The following NHSL1 variants were observed in gnomAD, a reference collection of about 807,000 sequenced individuals.
NHSL1 encodes NHS like 1.
Under a neutral mutation model 95.0 loss-of-function variants are expected in NHSL1, and 48 were observed. That is an observed-to-expected ratio of 0.51 (90% CI 0.40 to 0.64). The LOEUF (loss-of-function observed/expected upper bound fraction) is 0.64. NHSL1 is among the 30% of genes least tolerant of loss of function. The probability of loss-of-function intolerance (pLI) is 0.00; values close to 1 mark genes in which losing one functional copy is unlikely to be tolerated. For synonymous variants in NHSL1, 783 were observed against 833.9 expected, an observed-to-expected ratio of 0.94 and a Z score of 1.05; for missense variants, 1,971 against 2,077.7, an observed-to-expected ratio of 0.95 and a Z score of 1.00.
intron 3 of NHSL1, among the ~76,000 whole-genome samples, chr6:138,465,710 C>CT (rs1217152430): frequency 6.8e-6 from 1 of 148,016 alleles, no homozygotes; most frequent in Non-Finnish European, 1.5e-5. Flanking sequence ...ATCTCCTACA[C>CT]TTTTTTTTCT....
intron 1 of NHSL1, among the ~76,000 whole-genome samples, chr6:138,601,619 C>G (rs931609751): frequency 6.6e-6 from 1 of 152,116 alleles, no homozygotes; most frequent in African/African-American, 2.4e-5. Context: ...CAAGACCATC[C>G]TGGCCAACAT....
intron 1 of NHSL1, among the ~76,000 whole-genome samples, chr6:138,685,859 C>T (rs368983082): frequency 1.4e-4 from 21 of 152,134 alleles, no homozygotes; most frequent in African/African-American, 4.3e-4. Context: ...ATTCAAAGCC[C>T]AGCTCCATTG....
rs1490919435 is a variant in NHSL1, at chr6:138,488,429, C to CA, written c.211+7789dup. Among the ~76,000 whole-genome samples, 39 of 152,284 alleles carry CA rather than the reference C, an allele frequency of 2.6e-4. 1 individual carries two copies. Among genetic ancestry groups the CA allele is most frequent in the Admixed American group, 5.2e-4 (8 of 15,294 alleles). On this transcript the variant is annotated intron_variant, in intron 2 of 7. Transcript: ENST00000343505. Reference sequence around the variant, plus strand: ...AAATCATTAGTGTATTTATTAATTTCAAATGTTTATCTTTCCTTCCCTTGC... The same window carrying CA: ...AAATCATTAGTGTATTTATTAATTTCAAAATGTTTATCTTTCCTTCCCTTGC...
intron 3 of NHSL1, among the ~76,000 whole-genome samples, chr6:138,464,883 T>C (rs1778257532): frequency 6.6e-6 from 1 of 151,632 alleles, no homozygotes; most frequent in Admixed American, 6.6e-5. Context: ...TCGCTAATTT[T>C]TGTATTTTTA....
chr6:138,580,031 A>G (rs1391323676), intron 1 of NHSL1, among the ~76,000 whole-genome samples: 1 of 152,260 alleles, frequency 6.6e-6, no homozygotes, highest in Non-Finnish European at 1.5e-5. Context: ...ACAGAATTGA[A>G]TATAAAGTAA....
At chr6:138,539,159 G>C (rs1339523896) in intron 1 of NHSL1, among the ~76,000 whole-genome samples, 2 of 152,180 alleles carry the variant, frequency 1.3e-5, no homozygotes, top group Admixed American at 6.5e-5. Context: ...TGTCAAATTA[G>C]GATCTCTTAA....
chr6:138,490,759 A>G (rs2128279332), intron 2 of NHSL1, among the ~76,000 whole-genome samples: 1 of 152,164 alleles, frequency 6.6e-6, no homozygotes, highest in Middle Eastern at 3.4e-3. Context: ...CAGCCTCCTG[A>G]GAAGGCTGGG....
chr6:138,649,476 A>G (rs529328932), intron 1 of NHSL1, among the ~76,000 whole-genome samples: 1 of 150,876 alleles, frequency 6.6e-6, no homozygotes, highest in African/African-American at 2.4e-5. Flanking sequence ...TTCCACCATC[A>G]ATACATTTAT....
At chr6:138,524,474 T>C (rs753265351) in intron 1 of NHSL1, among the ~76,000 whole-genome samples, 1 of 152,210 alleles carries the variant, frequency 6.6e-6, no homozygotes, top group Non-Finnish European at 1.5e-5. Flanking sequence ...CTTTATATGG[T>C]TGGAATCACA....
rs371542355 is a variant in NHSL1, at chr6:138,431,914, C to A, written c.2431G>T (p.Gly811Trp). 1 of 1,551,754 alleles carries A rather than the reference C, an allele frequency of 6.4e-7. No homozygotes were observed. Among genetic ancestry groups the A allele is most frequent in the Non-Finnish European group, 8.7e-7 (1 of 1,147,012 alleles). ...CCTTCTTGGACATGGCGGACTGGCCCGTTCCCAGTGGGCACCCCACTGCTG... is the reference window on the plus strand; with the variant it reads ...CCTTCTTGGACATGGCGGACTGGCCAGTTCCCAGTGGGCACCCCACTGCTG... ...STSSGVPTGN[G>W]PVRHVQEGSR... The change falls in exon 6 of 8, where the codon GGG (glycine) becomes TGG (tryptophan). Residue 811 changes from glycine (G) to tryptophan (W), a missense_variant. Gly to Trp is a radical substitution (Grantham distance 184, BLOSUM62 -2). This residue lies in a region of NHSL1 where 1,602 missense variants were observed against 1,654.5 expected (regional missense o/e 0.97). Coordinates refer to ENST00000343505, the MANE Select transcript of NHSL1 (RefSeq NM_001144060.2). The surrounding 1 kb of genome is among the most constrained non-coding windows in gnomAD (Gnocchi z 4.0).
chr6:138,424,327 G>A lies in NHSL1; in HGVS notation c.4575C>T (p.Ile1525=). 6.5e-7 allele frequency: 1 copy of A among 1,534,152 alleles called. No individual in the cohort carries two copies. The highest frequency in any genetic ancestry group is 8.8e-7 in the Non-Finnish European group (1 of 1,136,780). The part of the protein sequence containing the change: ...NRIQSSPMTV[I]SEGEGEAVEP... ...CCACGGCTTCCCCTTCTCCCTCCGAGATGACGGTCATGGGGCTGCTCTGGA... is the reference window on the plus strand; with the variant it reads ...CCACGGCTTCCCCTTCTCCCTCCGAAATGACGGTCATGGGGCTGCTCTGGA... Residue 1525 remains isoleucine, a synonymous_variant, in exon 8 of 8, where the codon ATC becomes ATT. Coordinates refer to ENST00000343505, the MANE Select transcript of NHSL1 (RefSeq NM_001144060.2). This position sits in a 1 kb window ranked among gnomAD's most constrained non-coding sequence, Gnocchi z 5.9.
intron 1 of NHSL1, among the ~76,000 whole-genome samples, chr6:138,637,720 G>A (rs1784905703): frequency 6.6e-6 from 1 of 152,138 alleles, no homozygotes; most frequent in African/African-American, 2.4e-5. Context: ...CCAAAAGACA[G>A]GCAATAACAA....
At chr6:138,550,802 A>G (rs1332493029) in intron 1 of NHSL1, among the ~76,000 whole-genome samples, 1 of 152,180 alleles carries the variant, frequency 6.6e-6, no homozygotes, top group African/African-American at 2.4e-5. Context: ...TCCTGGCAAA[A>G]CACAAAACAA....
chr6:138,673,031 G>GTAGATAGATAGATAGATAGATAGA, intron 1 of NHSL1, among the ~76,000 whole-genome samples: 1 of 148,166 alleles, frequency 6.7e-6, no homozygotes, highest in African/African-American at 2.6e-5. Flanking sequence ...AGATAGATAG[G>GTAGATAGATAGATAGATAGATAGA]TAGATAGATA....
chr6:138,685,269 A>G (rs9376361), intron 1 of NHSL1, among the ~76,000 whole-genome samples: 70,441 of 151,954 alleles, frequency 0.46, 17,648 homozygotes, highest in South Asian at 0.64. Context: ...TCATTTTCCC[A>G]ATACCCAAGA....
intron 1 of NHSL1, among the ~76,000 whole-genome samples, chr6:138,511,069 G>A (rs753471833): frequency 1.9e-4 from 29 of 152,150 alleles, no homozygotes; most frequent in South Asian, 4.1e-4. Flanking sequence ...ACCAGGAAGC[G>A]AAACGATAAT....
intron 1 of NHSL1, among the ~76,000 whole-genome samples, chr6:138,583,899 G>A (rs79122351): frequency 0.026 from 4,027 of 152,130 alleles, 171 homozygotes; most frequent in African/African-American, 0.088. Context: ...AGGAGTAGGA[G>A]AGCAGCCTGG....
At chr6:138,454,911 T>C (rs1562286911) in intron 3 of NHSL1, among the ~76,000 whole-genome samples, 1 of 152,242 alleles carries the variant, frequency 6.6e-6, no homozygotes, top group Non-Finnish European at 1.5e-5. Flanking sequence ...CTTGGCATCA[T>C]ACTGGAAACA....
intron 4 of NHSL1, among the ~76,000 whole-genome samples, chr6:138,442,729 G>A (rs1277971517): frequency 6.6e-6 from 1 of 152,204 alleles, no homozygotes; most frequent in African/African-American, 2.4e-5. Flanking sequence ...TAGCGCTGCT[G>A]TTGTTAAAGA....
Sources: gnomAD v4.1 joint callset for allele counts (sites outside exome capture counted in the v4.1 genomes callset) on GRCh38, gnomAD v4.1.1 for gene constraint, gnomAD v4.1.1 regional missense constraint, Gnocchi (gnomAD v3.1) non-coding constraint, MANE v1.5 for transcripts, NCBI Gene and HGNC (gene_info 2026-07-23, HGNC 2026-07-21) for gene names.